The following ADCY7 variants were observed in gnomAD, a reference collection of about 807,000 sequenced individuals.
The protein encoded by ADCY7 is adenylate cyclase type 7.
ADCY7 carries 72 observed loss-of-function variants against 120.6 expected under a neutral mutation model. The ratio of observed to expected loss-of-function variants is 0.60; its 90% CI spans 0.49 to 0.73. The LOEUF (loss-of-function observed/expected upper bound fraction) is 0.73. ADCY7 is among the 30% of genes least tolerant of loss of function. The pLI is 0.00. For missense variants in ADCY7, 1,227 were observed against 1,486.0 expected (o/e 0.83, Z 2.87); for synonymous variants, 661 against 628.0 (o/e 1.05, Z -0.78).
chr16:50,275,366 AG>A (rs1202721241), intron 1 of ADCY7, among the ~76,000 whole-genome samples: 2 of 152,192 alleles, frequency 1.3e-5, no homozygotes, highest in Admixed American at 1.3e-4. Context: ...CTGTCAATTA[AG>A]GGGAGGCTAG....
chr16:50,247,608 G>A (rs866134417), intron 1 of ADCY7, among the ~76,000 whole-genome samples: 10 of 139,992 alleles, frequency 7.1e-5, no homozygotes, highest in African/African-American at 1.6e-4. Context: ...TTGAACTCCC[G>A]GGCTCAAGTG....
chr16:50,272,597 A>G (rs995143449), intron 1 of ADCY7, among the ~76,000 whole-genome samples: 2 of 152,102 alleles, frequency 1.3e-5, no homozygotes, highest in African/African-American at 4.8e-5. Flanking sequence ...GCCCTGCCCC[A>G]TTCACAAGCA....
Position 50,288,029 on chromosome 16 carries a change from A to G in ADCY7, c.-151A>G. 1 of 844,844 alleles carries G rather than the reference A, an allele frequency of 1.2e-6. No homozygotes were observed. Among genetic ancestry groups the G allele is most frequent in the Non-Finnish European group, 1.7e-6 (1 of 571,780 alleles). The allele number at this position is 844,844 out of a possible 1,614,324, so 52.3% of individuals were successfully genotyped here. Reference sequence around the variant, plus strand: ...GACCCCTTGTTGGCCATGGAGCAGCAGGCCCAGAGGCCCTCTCCCCAGCCC... The same window carrying G: ...GACCCCTTGTTGGCCATGGAGCAGCGGGCCCAGAGGCCCTCTCCCCAGCCC... On this transcript the variant is annotated 5_prime_UTR_variant, in exon 2 of 26. Coordinates refer to ENST00000673801, the MANE Select transcript of ADCY7 (RefSeq NM_001114.5).
intron 1 of ADCY7, among the ~76,000 whole-genome samples, chr16:50,257,651 T>A (rs1488769570): frequency 6.6e-6 from 1 of 151,818 alleles, no homozygotes; most frequent in East Asian, 1.9e-4. Context: ...TAGCAGTAAT[T>A]CTTTAAGATC....
At chr16:50,248,034 G>A (rs2032643408) in intron 1 of ADCY7, among the ~76,000 whole-genome samples, 1 of 152,108 alleles carries the variant, frequency 6.6e-6, no homozygotes, top group Non-Finnish European at 1.5e-5. Context: ...CAAACGACCA[G>A]TCCCATTTGC....
At chr16:50,306,912 G>A (rs1174872096) in intron 14 of ADCY7, 138 bp from the exon 15 acceptor site, 14 of 650,866 alleles carry the variant, frequency 2.2e-5, no homozygotes, top group East Asian at 1.7e-4. Flanking sequence ...CTCCTTCCTC[G>A]GCTCCCAAAG....
At chr16:50,314,469 T>G in intron 24 of ADCY7, 63 bp downstream of exon 24, 8 of 1,245,094 alleles carry the variant, frequency 6.4e-6, no homozygotes, top group Non-Finnish European at 9.3e-6. Context: ...ACCCAGTCTG[T>G]GTGGCACAGC....
Position 50,311,804 on chromosome 16 carries a change from C to CCG in ADCY7, c.2448+19_2448+20insGC. 8.2e-7 allele frequency: 1 copy of CCG among 1,225,976 alleles called. No individual in the cohort carries two copies. Among genetic ancestry groups the CCG allele is most frequent in the African/African-American group, 1.5e-5 (1 of 64,796 alleles). The allele number at this position is 1,225,976 out of a possible 1,614,324, so 75.9% of individuals were successfully genotyped here. ...CCAGACAGGTAAGGAGGCTGGCCCC[C>CCG]CCCCCCCCCCCAAGCTCTGCCCACT... On this transcript the variant is annotated intron_variant, in intron 20 of 25. Transcript: ENST00000673801.
intron 1 of ADCY7, among the ~76,000 whole-genome samples, chr16:50,276,335 C>T (rs1306365449): frequency 6.6e-6 from 1 of 152,246 alleles, no homozygotes; most frequent in Non-Finnish European, 1.5e-5. Context: ...GCTGCTGGCT[C>T]ATGGCAGGGT....
intron 5 of ADCY7, 122 bp downstream of exon 5, chr16:50,292,947 A>G (rs1331097553): frequency 3.1e-6 from 4 of 1,296,698 alleles, no homozygotes; most frequent in Non-Finnish European, 1.1e-6. Flanking sequence ...TGCAGGTCTC[A>G]CCTCGGTGAG....
chr16:50,271,157 T>C (rs4785208), intron 1 of ADCY7, among the ~76,000 whole-genome samples: 89,774 of 152,162 alleles, frequency 0.59, 26,866 homozygotes, highest in Non-Finnish European at 0.63. Context: ...AAGGGTTGGG[T>C]GGTGAGTCTG....
chr16:50,255,435 A>G lies in ADCY7; in HGVS notation c.-64+9232A>G, dbSNP rs140137725. Among the ~76,000 whole-genome samples the G allele has an allele frequency of 8.9e-4, 129 of 144,418 alleles. 3 individuals are homozygous for G. Among genetic ancestry groups the G allele is most frequent in the African/African-American group, 3.2e-3 (126 of 39,668 alleles). 94.7% of individuals were successfully genotyped at this position (144,418 alleles called of 152,430 possible). A position where few individuals can be genotyped will look rare whatever the true frequency, so the allele number is the denominator to read the frequency against. Reference sequence around the variant, plus strand: ...AAAAAAAAAAAAGACGTATCAACCAATGGAACAGGATAGAGAGCTCAGAAA... The same window carrying G: ...AAAAAAAAAAAAGACGTATCAACCAGTGGAACAGGATAGAGAGCTCAGAAA... On this transcript the variant is annotated intron_variant, in intron 1 of 4. Transcript: ENST00000564044.
upstream of ADCY7, among the ~76,000 whole-genome samples, chr16:50,262,901 T>C (rs1463746276): frequency 6.6e-6 from 1 of 152,238 alleles, no homozygotes; most frequent in African/African-American, 2.4e-5. Context: ...CGGGTGTTTG[T>C]TCAGCACACT....
intron 1 of ADCY7, among the ~76,000 whole-genome samples, chr16:50,282,993 T>C (rs1028204504): frequency 6.6e-6 from 1 of 152,194 alleles, no homozygotes; most frequent in East Asian, 1.9e-4. Flanking sequence ...GAAAGTGTGA[T>C]GGAGGGATGA....
intron 8 of ADCY7, among the ~76,000 whole-genome samples, 159 bp downstream of exon 8, chr16:50,299,190 A>T (rs1454062976): frequency 6.6e-6 from 1 of 152,162 alleles, no homozygotes; most frequent in Non-Finnish European, 1.5e-5. Context: ...CTGCTGGAGG[A>T]TTCAGACTTC....
Position 50,313,001 on chromosome 16 carries a change from C to T in ADCY7, c.2716C>T (p.Arg906Cys), listed in dbSNP as rs1445679372. Reference sequence around the variant, plus strand: ...CAACAAAGAAGGGCTGGAGTGCCTACGCCTGCTCAATGAGATCATTGCCGA... The same window carrying T: ...CAACAAAGAAGGGCTGGAGTGCCTATGCCTGCTCAATGAGATCATTGCCGA... ...DVNKEGLECL[R>C]LLNEIIADFD... is the part of the protein sequence containing the mutation. Residue 906 changes from arginine to cysteine, a missense_variant, in exon 22 of 26, where the codon CGC becomes TGC. By Grantham distance (180) the Arg-to-Cys change is radical. This residue lies in a region of ADCY7 where 244 missense variants were observed against 332.8 expected (regional missense o/e 0.73). Transcript: ENST00000673801. 6.8e-6 allele frequency: 11 copies of T among 1,614,258 alleles called. No homozygotes were observed. The highest frequency in any genetic ancestry group is 1.1e-5 in the South Asian group (1 of 91,086).
intron 4 of ADCY7, chr16:50,292,466 G>A: frequency 3.4e-6 from 2 of 595,960 alleles, no homozygotes; most frequent in Admixed American, 3.2e-5. Context: ...CTCCCTGGGT[G>A]TCCTGGTCTT....
At chr16:50,300,910 TG>T in intron 9 of ADCY7, 37 bp downstream of exon 9, 1 of 1,546,078 alleles carries the variant, frequency 6.5e-7, no homozygotes, top group Non-Finnish European at 8.7e-7. Context: ...GACAGAGGCC[TG>T]GGGCTGGCTG....
intron 1 of ADCY7, among the ~76,000 whole-genome samples, chr16:50,257,053 C>T (rs1243418455): frequency 6.6e-6 from 1 of 152,218 alleles, no homozygotes; most frequent in Non-Finnish European, 1.5e-5. Context: ...CACAGAAGGA[C>T]AAATACTGCA....
Sources: gnomAD v4.1 joint callset for allele counts (sites outside exome capture counted in the v4.1 genomes callset) on GRCh38, gnomAD v4.1.1 for gene constraint, gnomAD v4.1.1 regional missense constraint, MANE v1.5 for transcripts, NCBI Gene and HGNC (gene_info 2026-07-23, HGNC 2026-07-21) for gene names.